LRP1B: variants seen among roughly 807,000 people sequenced by gnomAD.
The protein encoded by LRP1B is low-density lipoprotein receptor-related protein 1B.
LRP1B carries 217 observed loss-of-function variants against 556.6 expected under a neutral mutation model. The ratio of observed to expected loss-of-function variants is 0.39; its 90% CI spans 0.35 to 0.44. LRP1B has a LOEUF of 0.44. LRP1B is among the 20% of genes least tolerant of loss of function. The pLI is 1.00. For missense variants in LRP1B, 5,053 were observed against 5,620.8 expected, an observed-to-expected ratio of 0.90 and a Z score of 3.23; for synonymous variants, 2,047 against 1,865.8, an observed-to-expected ratio of 1.10 and a Z score of -2.50.
intron 1 of LRP1B, among the ~76,000 whole-genome samples, chr2:142,004,002 G>A (rs541183020): frequency 3.3e-4 from 51 of 152,306 alleles, no homozygotes; most frequent in African/African-American, 1.2e-3. Flanking sequence ...AGTAAATGCA[G>A]AGGGAATAAC....
At chr2:141,373,655 C>T (rs1320213918) in intron 3 of LRP1B, among the ~76,000 whole-genome samples, 1 of 151,724 alleles carries the variant, frequency 6.6e-6, no homozygotes, top group Admixed American at 6.6e-5. Context: ...AATATTGCTA[C>T]TCCTGCTTGC....
At chr2:141,374,063 G>T (rs1265294899) in intron 3 of LRP1B, among the ~76,000 whole-genome samples, 1 of 152,026 alleles carries the variant, frequency 6.6e-6, no homozygotes, top group Non-Finnish European at 1.5e-5. Context: ...TACAAATTCT[G>T]TCAGCATTTA....
chr2:142,080,618 T>C (rs878900270), intron 1 of LRP1B, among the ~76,000 whole-genome samples: 1 of 152,186 alleles, frequency 6.6e-6, no homozygotes, highest in Admixed American at 6.5e-5. Context: ...ATCACTCACC[T>C]CTAATGCTTC....
chr2:140,334,161 T>C (rs112737746), intron 79 of LRP1B, among the ~76,000 whole-genome samples: 1,701 of 152,154 alleles, frequency 0.011, 38 homozygotes, highest in African/African-American at 0.04. Context: ...TACCCTAATG[T>C]ATATGTATTG....
chr2:141,391,328 G>A (rs1008669924), intron 3 of LRP1B, among the ~76,000 whole-genome samples: 1 of 152,086 alleles, frequency 6.6e-6, no homozygotes, highest in African/African-American at 2.4e-5. Flanking sequence ...AAAAAATGAG[G>A]AACTAAATGG....
intron 63 of LRP1B, 78 bp downstream of exon 63, chr2:140,450,490 A>G (rs1686840389): frequency 3.9e-6 from 4 of 1,034,672 alleles, no homozygotes; most frequent in Non-Finnish European, 5.9e-6. Flanking sequence ...GCAATACTTT[A>G]GGTGTAGATT....
intron 1 of LRP1B, among the ~76,000 whole-genome samples, chr2:142,069,001 T>C (rs1026374195): frequency 7.2e-6 from 1 of 138,736 alleles, no homozygotes; most frequent in Admixed American, 7.0e-5. Flanking sequence ...TCTCTCTCTG[T>C]CTCTCTCTCT....
chr2:140,537,170 C>CT (rs931835210), intron 45 of LRP1B, among the ~76,000 whole-genome samples: 1 of 96,616 alleles, frequency 1.0e-5, no homozygotes, highest in African/African-American at 3.7e-5. Flanking sequence ...GACTCTGTAT[C>CT]AAAATAATAA....
At chr2:140,937,354 C>G (rs1227446855) in intron 20 of LRP1B, among the ~76,000 whole-genome samples, 4 of 152,002 alleles carry the variant, frequency 2.6e-5, no homozygotes, top group Admixed American at 2.0e-4. Context: ...CAAACAAAAA[C>G]AAATACTGTA....
chr2:141,544,381 T>C (rs62169784), intron 2 of LRP1B, among the ~76,000 whole-genome samples: 908 of 79,728 alleles, frequency 0.011, 46 homozygotes, highest in African/African-American at 0.027. Flanking sequence ...TTCTTCTTCT[T>C]CTCCTCCTCC....
intron 1 of LRP1B, among the ~76,000 whole-genome samples, chr2:141,939,239 A>G (rs1318587015): frequency 2.0e-5 from 3 of 152,068 alleles, no homozygotes. Context: ...GGCATGCTTT[A>G]CACTGTATAT....
At chr2:140,891,033 T>A (rs943399129) in intron 23 of LRP1B, among the ~76,000 whole-genome samples, 5 of 152,130 alleles carry the variant, frequency 3.3e-5, no homozygotes, top group Admixed American at 2.0e-4. Context: ...CATAAACGAC[T>A]GAATTTAACA....
At chr2:140,458,367 A>C (rs1329377884) in intron 60 of LRP1B, among the ~76,000 whole-genome samples, 1 of 152,188 alleles carries the variant, frequency 6.6e-6, no homozygotes, top group Non-Finnish European at 1.5e-5. Context: ...AGTGAGCATC[A>C]CAAATGTGAA....
intron 2 of LRP1B, among the ~76,000 whole-genome samples, chr2:141,562,880 G>A (rs536705469): frequency 6.6e-6 from 1 of 151,990 alleles, no homozygotes; most frequent in East Asian, 1.9e-4. Flanking sequence ...TGGAAACAAA[G>A]ATTTTATCTC....
chr2:141,680,621 A>G (rs574018428), intron 2 of LRP1B, among the ~76,000 whole-genome samples: 9 of 152,278 alleles, frequency 5.9e-5, no homozygotes, highest in Admixed American at 2.0e-4. Flanking sequence ...AAATGAAAGT[A>G]TGAGGCACAT....
chr2:141,071,413 A>G (rs1240084422), intron 7 of LRP1B, among the ~76,000 whole-genome samples: 1 of 152,084 alleles, frequency 6.6e-6, no homozygotes, highest in African/African-American at 2.4e-5. Context: ...TGAATGGGCA[A>G]AAACTGGAAG....
intron 1 of LRP1B, among the ~76,000 whole-genome samples, chr2:141,962,489 G>T (rs895032385): frequency 2.0e-5 from 3 of 151,694 alleles, no homozygotes. Flanking sequence ...CATTGCACTG[G>T]ATTAGACTGT....
At chr2:141,983,718 A>C (rs1379962410) in intron 1 of LRP1B, among the ~76,000 whole-genome samples, 9 of 152,142 alleles carry the variant, frequency 5.9e-5, no homozygotes, top group Non-Finnish European at 1.2e-4. Context: ...GGATGGGGAA[A>C]CCTATTGAAT....
chr2:140,832,378 C>T (rs749311370), intron 31 of LRP1B, among the ~76,000 whole-genome samples: 2 of 152,052 alleles, frequency 1.3e-5, no homozygotes, highest in Non-Finnish European at 2.9e-5. Flanking sequence ...AAAAATAGAG[C>T]TACCATACGA....
Sources: allele counts gnomAD v4.1 joint callset (sites outside exome capture counted in the v4.1 genomes callset), GRCh38; gene constraint gnomAD v4.1.1; transcripts MANE v1.5; gene names NCBI Gene and HGNC (gene_info 2026-07-23, HGNC 2026-07-21).